Variants in STAT5B observed in about 807,000 individuals in gnomAD.
The protein encoded by STAT5B is signal transducer and activator of transcription 5B.
STAT5B carries 21 observed loss-of-function variants against 107.8 expected under a neutral mutation model. That is an observed-to-expected ratio of 0.19 (90% confidence interval 0.14 to 0.28). STAT5B has a LOEUF of 0.28. Among genes scored for constraint, STAT5B ranks in the 10% least tolerant of loss-of-function variants. The pLI is 1.00. For missense variants in STAT5B, 565 were observed against 1,008.2 expected, an observed-to-expected ratio of 0.56 and a Z score of 5.95; for synonymous variants, 325 against 401.7, an observed-to-expected ratio of 0.81 and a Z score of 2.28.
chr17:42,246,383 A>G (rs1182726175), intron 1 of STAT5B, among the ~76,000 whole-genome samples: 1 of 152,184 alleles, frequency 6.6e-6, no homozygotes, highest in African/African-American at 2.4e-5. Context: ...TTATAAAGTA[A>G]AAATTCAGAA....
intron 1 of STAT5B, among the ~76,000 whole-genome samples, chr17:42,245,326 T>C (rs1447968637): frequency 6.6e-6 from 1 of 151,480 alleles, no homozygotes; most frequent in Non-Finnish European, 1.5e-5. Context: ...TCCGCCCACC[T>C]TGGCCTCCCA....
chr17:42,265,389 TGAGACGAAG>T (rs2080661081), intron 1 of STAT5B, among the ~76,000 whole-genome samples: 3 of 149,374 alleles, frequency 2.0e-5, no homozygotes, highest in African/African-American at 5.0e-5. Context: ...TTTTTTTTTT[TGAGACGAAG>T]TCTCGCTCTG....
chr17:42,233,652 G>A (rs1004417547), intron 1 of STAT5B, among the ~76,000 whole-genome samples: 2 of 152,004 alleles, frequency 1.3e-5, no homozygotes, highest in African/African-American at 2.4e-5. Context: ...CACCACGCCC[G>A]GATAATTTTT....
upstream of STAT5B, among the ~76,000 whole-genome samples, chr17:42,278,842 G>A (rs989373194): frequency 5.3e-5 from 8 of 151,984 alleles, no homozygotes; most frequent in African/African-American, 1.9e-4. Context: ...AGCTGGACGT[G>A]GTGGTGCGCG....
At chr17:42,202,575 G>A (rs1421139318) in intron 17 of STAT5B, 128 bp from the exon 18 acceptor site, 145 of 1,436,970 alleles carry the variant, frequency 1.0e-4, no homozygotes, top group Non-Finnish European at 1.4e-4. Flanking sequence ...TCGGCCCTGG[G>A]GCTCCAGCTA....
At chr17:42,230,175 T>C (rs1477137538) in intron 2 of STAT5B, among the ~76,000 whole-genome samples, 1 of 152,082 alleles carries the variant, frequency 6.6e-6, no homozygotes, top group Non-Finnish European at 1.5e-5. Flanking sequence ...GAAGTTGAGT[T>C]TTTTTTTAAT....
At chr17:42,258,653 T>C (rs2080568167) in intron 1 of STAT5B, among the ~76,000 whole-genome samples, 1 of 152,248 alleles carries the variant, frequency 6.6e-6, no homozygotes, top group South Asian at 2.1e-4. Context: ...CACTCCAGCC[T>C]GGGAAACAGA....
At chr17:42,229,253 G>C (rs2080298659) in intron 2 of STAT5B, among the ~76,000 whole-genome samples, 1 of 151,982 alleles carries the variant, frequency 6.6e-6, no homozygotes, top group Non-Finnish European at 1.5e-5. Context: ...GGGTTCAAGT[G>C]ATTCTCCTGC....
intron 1 of STAT5B, among the ~76,000 whole-genome samples, chr17:42,258,421 G>A (rs570013267): frequency 1.3e-5 from 2 of 152,360 alleles, no homozygotes; most frequent in South Asian, 4.1e-4. Flanking sequence ...GCTTATGCCT[G>A]TAATCCCAGC....
intron 1 of STAT5B, among the ~76,000 whole-genome samples, chr17:42,243,916 A>G (rs1247601476): frequency 1.3e-5 from 1 of 76,372 alleles, no homozygotes; most frequent in Non-Finnish European, 2.6e-5. Flanking sequence ...CCATGGAGAT[A>G]ATGGATTTGC....
chr17:42,253,620 T>C (rs2080517828), intron 1 of STAT5B, among the ~76,000 whole-genome samples: 1 of 152,206 alleles, frequency 6.6e-6, no homozygotes, highest in African/African-American at 2.4e-5. Context: ...TTGGTGTTGC[T>C]GAATTCCATC....
intron 1 of STAT5B, among the ~76,000 whole-genome samples, chr17:42,262,960 G>A (rs1378680112): frequency 1.9e-5 from 1 of 52,424 alleles, no homozygotes; most frequent in African/African-American, 9.1e-5. Flanking sequence ...GTGTGTGTGT[G>A]TGTGTGTGTG....
At chr17:42,202,001 T>TTCAAACAGC (rs1282396163) in intron 18 of STAT5B, 137 bp from the exon 19 acceptor site, 1 of 799,580 alleles carries the variant, frequency 1.3e-6, no homozygotes, top group Non-Finnish European at 2.1e-6. Flanking sequence ...AGAACAACCA[T>TTCAAACAGC]TCAAACAGCT....
intron 2 of STAT5B, among the ~76,000 whole-genome samples, chr17:42,229,600 C>T (rs942069413): frequency 6.6e-6 from 1 of 151,532 alleles, no homozygotes; most frequent in Admixed American, 6.6e-5. Context: ...TGGCTGGGCC[C>T]GGTGGCTCAA....
upstream of STAT5B, among the ~76,000 whole-genome samples, chr17:42,279,323 C>T (rs912071564): frequency 3.3e-5 from 5 of 152,104 alleles, no homozygotes; most frequent in Non-Finnish European, 5.9e-5. Flanking sequence ...CATCGGGTTG[C>T]GGGAAATAAG....
the STAT5B span, among the ~76,000 whole-genome samples, chr17:42,285,791 A>T: frequency 6.6e-6 from 1 of 152,180 alleles, no homozygotes; most frequent in Non-Finnish European, 1.5e-5. Context: ...ATCCTGGGAA[A>T]GTTCCATAGC....
At chr17:42,214,127 A>C (rs889311369) in intron 12 of STAT5B, 1 of 819,774 alleles carries the variant, frequency 1.2e-6, no homozygotes, top group African/African-American at 1.9e-5. Context: ...TGGGTGACAG[A>C]GCAAGACTCT....
chr17:42,273,568 T>G (rs540200014), intron 1 of STAT5B, among the ~76,000 whole-genome samples: 1 of 152,194 alleles, frequency 6.6e-6, no homozygotes, highest in Non-Finnish European at 1.5e-5. Flanking sequence ...GGAAAAAATG[T>G]GTCACAGATA....
intron 16 of STAT5B, among the ~76,000 whole-genome samples, chr17:42,204,538 T>A (rs1280253510): frequency 6.6e-6 from 1 of 152,208 alleles, no homozygotes; most frequent in Non-Finnish European, 1.5e-5. Context: ...TCATAACATG[T>A]TTTTTGTGCT....
Sources: gnomAD v4.1 joint callset for allele counts (sites outside exome capture counted in the v4.1 genomes callset) on GRCh38, gnomAD v4.1.1 for gene constraint, MANE v1.5 for transcripts, NCBI Gene and HGNC (gene_info 2026-07-23, HGNC 2026-07-21) for gene names.